Variants in SEC24D observed in about 807,000 individuals in gnomAD.
The protein encoded by SEC24D is SEC24 homolog D, COPII component, also known as protein transport protein Sec24D.
In SEC24D, 69 loss-of-function variants were observed where a neutral mutation model predicts 116.9. That is an observed-to-expected ratio of 0.59 (90% CI 0.49 to 0.72). The LOEUF (loss-of-function observed/expected upper bound fraction) is 0.72. Among genes scored for constraint, SEC24D ranks in the 30% least tolerant of loss-of-function variants. The pLI, the probability that SEC24D is intolerant of heterozygous loss-of-function variation, is 0.00. For missense variants in SEC24D, 1,131 were observed against 1,264.1 expected (o/e 0.89, Z 1.60); for synonymous variants, 405 against 442.8 (o/e 0.91, Z 1.07).
At chr4:118,725,419 C>G (rs909250698) in intron 22 of SEC24D, among the ~76,000 whole-genome samples, 1 of 152,186 alleles carries the variant, frequency 6.6e-6, no homozygotes, top group Non-Finnish European at 1.5e-5. Flanking sequence ...TACAACTTTA[C>G]TATTGTCCAT....
intron 2 of SEC24D, among the ~76,000 whole-genome samples, chr4:118,829,977 G>C (rs1002144617): frequency 6.6e-5 from 10 of 152,196 alleles, no homozygotes; most frequent in Non-Finnish European, 1.5e-4. Context: ...GCTTGTGTCT[G>C]TCAGGAGACC....
At chr4:118,809,098 C>T (rs1287554344) in intron 6 of SEC24D, among the ~76,000 whole-genome samples, 4 of 152,020 alleles carry the variant, frequency 2.6e-5, no homozygotes, top group African/African-American at 9.7e-5. Context: ...CTCAGCCTCC[C>T]GAGTAGCTGG....
intron 8 of SEC24D, among the ~76,000 whole-genome samples, chr4:118,773,126 T>C (rs1239413388): frequency 2.6e-5 from 4 of 152,224 alleles, no homozygotes; most frequent in Admixed American, 6.5e-5. Context: ...TTTCAATGTA[T>C]ACTTCTTCCT....
At chr4:118,783,110 C>A (rs1372253210) in intron 8 of SEC24D, among the ~76,000 whole-genome samples, 1 of 152,190 alleles carries the variant, frequency 6.6e-6, no homozygotes, top group African/African-American at 2.4e-5. Context: ...GTGGGCTGCA[C>A]CCACTGTCCA....
intron 6 of SEC24D, among the ~76,000 whole-genome samples, chr4:118,814,029 A>T (rs566712505): frequency 6.6e-6 from 1 of 152,342 alleles, no homozygotes; most frequent in Non-Finnish European, 1.5e-5. Flanking sequence ...AGCATAAGTT[A>T]GCTAATATGG....
chr4:118,832,326 G>A (rs1487964828), intron 2 of SEC24D, among the ~76,000 whole-genome samples: 2 of 152,178 alleles, frequency 1.3e-5, no homozygotes, highest in Non-Finnish European at 2.9e-5. Context: ...AAATACAAAA[G>A]AGGACAGACA....
At position 118,835,945 on chromosome 4, in the gene SEC24D, T is replaced by G. The variant is rs1205887659; in HGVS notation, c.-46A>C. 6.6e-6 allele frequency: 1 copy of G among 152,238 alleles called. No homozygotes were observed. The highest frequency in any genetic ancestry group is 1.5e-5 in the Non-Finnish European group (1 of 68,072). 9.4% of individuals were successfully genotyped at this position (152,238 alleles called of 1,614,324 possible). On this transcript the variant is annotated 5_prime_UTR_variant, in exon 1 of 23. Coordinates refer to ENST00000280551, the MANE Select transcript of SEC24D (RefSeq NM_014822.4). Reference sequence around the variant, plus strand: ...TCCGCGGGTGGGAGGCTTTACCTGTTCCCGCTCCCGCACCCCGCGGGCTTC... The same window carrying G: ...TCCGCGGGTGGGAGGCTTTACCTGTGCCCGCTCCCGCACCCCGCGGGCTTC...
At chr4:118,817,506 T>C in intron 3 of SEC24D, 94 bp from the exon 4 acceptor site, 1 of 1,071,548 alleles carries the variant, frequency 9.3e-7, no homozygotes, top group Non-Finnish European at 1.3e-6. Flanking sequence ...AAATTAAGCC[T>C]GTCTAGTAGG....
chr4:118,791,676 C>T (rs186627184), intron 8 of SEC24D, among the ~76,000 whole-genome samples: 235 of 152,220 alleles, frequency 1.5e-3, no homozygotes, highest in African/African-American at 5.4e-3. Flanking sequence ...AGGCACGCGC[C>T]GCCACGCCTG....
intron 7 of SEC24D, among the ~76,000 whole-genome samples, chr4:118,804,583 T>C (rs1432889275): frequency 6.6e-6 from 1 of 150,512 alleles, no homozygotes; most frequent in South Asian, 2.1e-4. Context: ...GTCACAGTGA[T>C]AGAAAAAAAA....
intron 15 of SEC24D, 114 bp from the exon 16 acceptor site, chr4:118,741,151 A>AT (rs1033500485): frequency 1.8e-6 from 1 of 547,266 alleles, no homozygotes; most frequent in Non-Finnish European, 3.1e-6. Flanking sequence ...GATTTAGCAT[A>AT]TTTTTTTATT....
chr4:118,817,153 T>A (rs1388483497), intron 4 of SEC24D, 111 bp downstream of exon 4: 1 of 863,888 alleles, frequency 1.2e-6, no homozygotes, highest in Admixed American at 2.6e-5. Flanking sequence ...CAAATACTAC[T>A]TCAACACAGT....
chr4:118,743,356 T>TATATAC (rs566077725), intron 15 of SEC24D, among the ~76,000 whole-genome samples: 3 of 143,074 alleles, frequency 2.1e-5, no homozygotes, highest in African/African-American at 8.0e-5. Context: ...TATATATATA[T>TATATAC]ACACACACAC....
intron 7 of SEC24D, among the ~76,000 whole-genome samples, chr4:118,802,244 A>G (rs1310964242): frequency 6.6e-6 from 1 of 152,244 alleles, no homozygotes; most frequent in East Asian, 1.9e-4. Context: ...ATCTTAAAAT[A>G]AGATCCTGGA....
intron 8 of SEC24D, among the ~76,000 whole-genome samples, chr4:118,792,312 T>TG (rs531394145): frequency 0.039 from 4,880 of 124,070 alleles, 129 homozygotes; most frequent in Non-Finnish European, 0.058. Context: ...GTCCGGGAGG[T>TG]GGGGGGGCGC....
intron 6 of SEC24D, among the ~76,000 whole-genome samples, chr4:118,814,715 C>G (rs947857829): frequency 2.6e-5 from 4 of 151,868 alleles, no homozygotes; most frequent in African/African-American, 9.7e-5. Context: ...CTGTTAATTA[C>G]TCATTAGATA....
chr4:118,724,729 C>G (rs887761422), intron 22 of SEC24D, among the ~76,000 whole-genome samples: 2 of 152,148 alleles, frequency 1.3e-5, no homozygotes, highest in African/African-American at 4.8e-5. Flanking sequence ...CACCTGTATT[C>G]CTACTTGAGG....
intron 8 of SEC24D, among the ~76,000 whole-genome samples, chr4:118,796,356 A>G (rs184601858): frequency 5.9e-5 from 9 of 152,310 alleles, no homozygotes; most frequent in Admixed American, 2.6e-4. Context: ...ATATTATATT[A>G]AATTTCTAGA....
chr4:118,829,813 A>C (rs80258054), intron 2 of SEC24D, among the ~76,000 whole-genome samples: 1 of 145,900 alleles, frequency 6.9e-6, no homozygotes, highest in Non-Finnish European at 1.5e-5. Context: ...ACTCCGTCTC[A>C]AAAAAAAAAA....
Sources: allele counts gnomAD v4.1 joint callset (sites outside exome capture counted in the v4.1 genomes callset), GRCh38; gene constraint gnomAD v4.1.1; transcripts MANE v1.5; gene names NCBI Gene and HGNC (gene_info 2026-07-23, HGNC 2026-07-21).